MYO10: variants seen among roughly 807,000 people sequenced by gnomAD.
MYO10 encodes myosin X.
Under a neutral mutation model 257.3 loss-of-function variants are expected in MYO10, and 133 were observed. The observed-to-expected ratio is 0.52, with a 90% CI of 0.45 to 0.60. MYO10 has a LOEUF of 0.60. Among genes scored for constraint, MYO10 ranks in the 20% least tolerant of loss-of-function variants. The pLI, the probability that MYO10 is intolerant of heterozygous loss-of-function variation, is 0.00. For synonymous variants in MYO10, 1,104 were observed against 1,028.6 expected (o/e 1.07, Z -1.40); for missense variants, 2,399 against 2,635.7 (o/e 0.91, Z 1.97).
intron 9 of MYO10, among the ~76,000 whole-genome samples, chr5:16,775,589 T>TTTTGTTTG (rs141350168): frequency 2.5e-4 from 38 of 150,940 alleles, no homozygotes; most frequent in Non-Finnish European, 3.8e-4. Context: ...GCCTGGCCAA[T>TTTTGTTTG]TTTGTTTGTT....
At chr5:16,685,905 G>A (rs1452987985) in intron 28 of MYO10, 74 bp from the exon 29 acceptor site, 9 of 1,145,922 alleles carry the variant, frequency 7.9e-6, no homozygotes, top group South Asian at 1.3e-5. Flanking sequence ...CCTACTGCAC[G>A]TGCTCTGTGA....
chr5:16,693,930 T>A (rs1737618871), intron 27 of MYO10, among the ~76,000 whole-genome samples: 1 of 152,212 alleles, frequency 6.6e-6, no homozygotes, highest in African/African-American at 2.4e-5. Flanking sequence ...AACACTGGTA[T>A]AACAGAAGAG....
intron 19 of MYO10, among the ~76,000 whole-genome samples, chr5:16,721,461 G>A (rs914672295): frequency 1.0e-4 from 6 of 58,522 alleles, no homozygotes; most frequent in Non-Finnish European, 1.9e-4. Flanking sequence ...ATTTCACTCC[G>A]GGGCTGTTAA....
chr5:16,921,062 G>A (rs1287773775), intron 1 of MYO10, among the ~76,000 whole-genome samples: 1 of 151,946 alleles, frequency 6.6e-6, no homozygotes, highest in Non-Finnish European at 1.5e-5. Flanking sequence ...AAGTTGCAGT[G>A]AGCCAAGATC....
At chr5:16,781,944 G>GGACT in intron 5 of MYO10, 115 bp from the exon 6 acceptor site, 1 of 1,275,800 alleles carries the variant, frequency 7.8e-7, no homozygotes, top group Non-Finnish European at 1.1e-6. Flanking sequence ...GAAACCAAAA[G>GGACT]GACTGAGGGT....
intron 3 of MYO10, among the ~76,000 whole-genome samples, chr5:16,795,621 T>C (rs577319823): frequency 6.6e-6 from 1 of 152,090 alleles, no homozygotes; most frequent in South Asian, 2.1e-4. Flanking sequence ...ATGGAAGTGG[T>C]TGGTACTTGT....
rs746629784 is a variant in MYO10 at position 16,665,845 on chromosome 5, G to A, written c.*847C>T. The stretch of plus-strand genomic sequence containing the variant: ...AGGCTGCTTATCTGTTTATAATACA[G>A]CAGACACAGATGGCAGACTTTGCTA... On this transcript the variant is annotated 3_prime_UTR_variant, in exon 41 of 41. Coordinates refer to ENST00000513610, the MANE Select transcript of MYO10 (RefSeq NM_012334.3). The A allele has an allele frequency of 6.6e-6, 1 of 152,638 alleles. No individual in the cohort carries two copies. The highest frequency in any genetic ancestry group is 1.5e-5 in the Non-Finnish European group (1 of 68,050). 9.5% of individuals were successfully genotyped at this position (152,638 alleles called of 1,614,324 possible).
At chr5:16,727,740 C>CA (rs1739427021) in intron 19 of MYO10, among the ~76,000 whole-genome samples, 1 of 152,040 alleles carries the variant, frequency 6.6e-6, no homozygotes, top group South Asian at 2.1e-4. Context: ...TTTTTTAAAA[C>CA]AAACTGTTGA....
At chr5:16,786,635 G>C (rs1741589460) in intron 4 of MYO10, among the ~76,000 whole-genome samples, 1 of 152,122 alleles carries the variant, frequency 6.6e-6, no homozygotes, top group African/African-American at 2.4e-5. Flanking sequence ...TGCTCGACCA[G>C]TATAATGCAA....
Position 16,812,614 on chromosome 5 carries a change from T to C in MYO10, c.279+5395A>G, listed in dbSNP as rs955289916. Among the ~76,000 whole-genome samples, 4 of 152,190 alleles carry C rather than the reference T, an allele frequency of 2.6e-5. 1 individual carries two copies. Among genetic ancestry groups the C allele is most frequent in the Non-Finnish European group, 4.4e-5 (3 of 68,036 alleles). On this transcript the variant is annotated intron_variant, in intron 3 of 40. Coordinates refer to ENST00000513610, the MANE Select transcript of MYO10 (RefSeq NM_012334.3). The stretch of plus-strand genomic sequence containing the variant: ...AAATTGCAAGCTTTGAGGCTAGGGA[T>C]GATGCTGTAAACTTCTTCCAAATCC...
Position 16,806,759 on chromosome 5 carries a change from A to G in MYO10, c.279+11250T>C, listed in dbSNP as rs558308266. Among the ~76,000 whole-genome samples, 4 of 152,274 alleles carry G rather than the reference A, an allele frequency of 2.6e-5. No homozygotes were observed. In the South Asian group the frequency reaches 8.3e-4, roughly 32 times the overall value. On this transcript the variant is annotated intron_variant, in intron 3 of 40. Coordinates refer to ENST00000513610, the MANE Select transcript of MYO10 (RefSeq NM_012334.3). Reference sequence around the variant, plus strand: ...AGGTTGGATATCACAATCCCAATGCAGAAATAACTCATCTAAACAGCATGG... The same window carrying G: ...AGGTTGGATATCACAATCCCAATGCGGAAATAACTCATCTAAACAGCATGG...
intron 33 of MYO10, among the ~76,000 whole-genome samples, 191 bp downstream of exon 33, chr5:16,679,756 C>T (rs1248121402): frequency 1.3e-5 from 2 of 152,044 alleles, no homozygotes; most frequent in Non-Finnish European, 2.9e-5. Flanking sequence ...AACTCCTGAC[C>T]TCAAGTGATC....
At chr5:16,744,421 C>T (rs1267107824) in intron 19 of MYO10, among the ~76,000 whole-genome samples, 3 of 152,156 alleles carry the variant, frequency 2.0e-5, no homozygotes, top group Admixed American at 2.0e-4. Flanking sequence ...GGGTGCACAC[C>T]TTTGATCTAT....
chr5:16,733,078 G>A (rs1739649810), intron 19 of MYO10, among the ~76,000 whole-genome samples: 1 of 152,176 alleles, frequency 6.6e-6, no homozygotes, highest in African/African-American at 2.4e-5. Flanking sequence ...AGGTTGCAGT[G>A]AGCTGAGATC....
chr5:16,799,081 G>A (rs1742046535), intron 3 of MYO10, among the ~76,000 whole-genome samples: 1 of 152,064 alleles, frequency 6.6e-6, no homozygotes, highest in African/African-American at 2.4e-5. Context: ...TCTTTCTTAA[G>A]GCACTGATTT....
intron 27 of MYO10, among the ~76,000 whole-genome samples, chr5:16,693,263 T>G (rs913538847): frequency 6.6e-6 from 1 of 152,162 alleles, no homozygotes; most frequent in Admixed American, 6.5e-5. Context: ...AGTGAGACCC[T>G]GTCAGTCAAT....
chr5:16,738,443 T>C, intron 19 of MYO10: 1 of 983,058 alleles, frequency 1.0e-6, no homozygotes. Context: ...TTTTTGGAAA[T>C]GTTTAGCAGT....
At chr5:16,817,017 AC>A (rs993089804) in intron 3 of MYO10, among the ~76,000 whole-genome samples, 25 of 149,508 alleles carry the variant, frequency 1.7e-4, no homozygotes, top group Admixed American at 6.7e-4. Context: ...ATGGGATTTC[AC>A]CATGTTCGTC....
intron 27 of MYO10, among the ~76,000 whole-genome samples, chr5:16,691,992 G>A (rs1198950907): frequency 6.6e-6 from 1 of 152,062 alleles, no homozygotes. Context: ...AAGGCAGAGG[G>A]GCATCTATAC....
Sources: allele counts gnomAD v4.1 joint callset (sites outside exome capture counted in the v4.1 genomes callset), GRCh38; gene constraint gnomAD v4.1.1; transcripts MANE v1.5; gene names NCBI Gene and HGNC (gene_info 2026-07-23, HGNC 2026-07-21).